The following LINGO2 variants were observed in gnomAD, a reference collection of about 807,000 sequenced individuals.
The protein encoded by LINGO2 is leucine-rich repeat and immunoglobulin-like domain-containing nogo receptor-interacting protein 2.
LINGO2 carries 14 observed loss-of-function variants against 30.6 expected under a neutral mutation model. That is an observed-to-expected ratio of 0.46 (90% CI 0.30 to 0.72). LINGO2 has a LOEUF of 0.72. LINGO2 is among the 30% of genes least tolerant of loss of function. LINGO2 has a pLI of 0.07. For missense variants in LINGO2, 729 were observed against 751.7 expected, an observed-to-expected ratio of 0.97 and a Z score of 0.35; for synonymous variants, 317 against 288.5, an observed-to-expected ratio of 1.10 and a Z score of -1.00.
At chr9:28,546,326 A>G (rs1287224705) in intron 1 of LINGO2, among the ~76,000 whole-genome samples, 1 of 152,106 alleles carries the variant, frequency 6.6e-6, no homozygotes, top group Non-Finnish European at 1.5e-5. Flanking sequence ...AATCAGTTCT[A>G]TGTGACATGG....
the LINGO2 span, among the ~76,000 whole-genome samples, chr9:29,085,752 T>C: frequency 6.6e-6 from 1 of 152,138 alleles, no homozygotes; most frequent in African/African-American, 2.4e-5. Context: ...CATTTAAGTT[T>C]ATGAGACAAA....
At chr9:28,760,792 C>T in the LINGO2 span, among the ~76,000 whole-genome samples, 1 of 151,850 alleles carries the variant, frequency 6.6e-6, no homozygotes, top group Non-Finnish European at 1.5e-5. Flanking sequence ...CTTAGAATAA[C>T]AGTCTCCAAT....
At chr9:27,996,258 A>C (rs960338515) in intron 5 of LINGO2, among the ~76,000 whole-genome samples, 1 of 152,200 alleles carries the variant, frequency 6.6e-6, no homozygotes, top group Admixed American at 6.6e-5. Context: ...AAATACAACT[A>C]TCTTATGATC....
the LINGO2 span, among the ~76,000 whole-genome samples, chr9:29,121,659 T>A: frequency 2.6e-5 from 4 of 152,070 alleles, no homozygotes; most frequent in East Asian, 7.7e-4. Flanking sequence ...ATCAAGACTC[T>A]CCAGACAGAA....
At chr9:28,041,243 G>C (rs887088413) in intron 4 of LINGO2, among the ~76,000 whole-genome samples, 4 of 152,166 alleles carry the variant, frequency 2.6e-5, no homozygotes, top group African/African-American at 9.7e-5. Context: ...GGTCAGCACA[G>C]GTTCATACAA....
intron 1 of LINGO2, among the ~76,000 whole-genome samples, chr9:28,494,826 T>TTAACTTTA (rs1819536739): frequency 6.6e-6 from 1 of 152,188 alleles, no homozygotes. Context: ...AACTTTACAG[T>TTAACTTTA]CCCACCAACA....
At chr9:27,976,188 G>A (rs1820584796) in intron 5 of LINGO2, among the ~76,000 whole-genome samples, 1 of 152,164 alleles carries the variant, frequency 6.6e-6, no homozygotes, top group South Asian at 2.1e-4. Context: ...TTAGAGCAGT[G>A]TCTGCCACTT....
At chr9:28,614,730 T>C (rs1375395524) in intron 1 of LINGO2, among the ~76,000 whole-genome samples, 1 of 152,148 alleles carries the variant, frequency 6.6e-6, no homozygotes, top group Non-Finnish European at 1.5e-5. Context: ...GATAGAAATA[T>C]GCAGGATGTA....
At chr9:27,960,498 C>T (rs927895592) in intron 5 of LINGO2, among the ~76,000 whole-genome samples, 10 of 152,104 alleles carry the variant, frequency 6.6e-5, no homozygotes, top group African/African-American at 2.4e-4. Flanking sequence ...CACAGTATAG[C>T]TTTCTGCTGT....
chr9:29,178,965 A>ATAATTAATTAAT, the LINGO2 span, among the ~76,000 whole-genome samples: 56 of 151,168 alleles, frequency 3.7e-4, no homozygotes, highest in African/African-American at 1.3e-3. Flanking sequence ...CATCTCTAAA[A>ATAATTAATTAAT]TAATTAATTA....
At chr9:28,246,373 G>A (rs1211643885) in intron 4 of LINGO2, among the ~76,000 whole-genome samples, 2 of 152,020 alleles carry the variant, frequency 1.3e-5, no homozygotes, top group South Asian at 4.2e-4. Flanking sequence ...TTTGCAGTGA[G>A]CCGAGATCTT....
chr9:28,643,829 A>T (rs768550274), intron 1 of LINGO2, among the ~76,000 whole-genome samples: 4 of 152,150 alleles, frequency 2.6e-5, no homozygotes, highest in Admixed American at 6.6e-5. Flanking sequence ...GAGGTCAAAC[A>T]ACTCTATAGA....
At chr9:28,716,659 A>G in the LINGO2 span, among the ~76,000 whole-genome samples, 3 of 152,104 alleles carry the variant, frequency 2.0e-5, no homozygotes, top group African/African-American at 7.2e-5. Context: ...TGTTCCATTT[A>G]TCTTTGCCAA....
At chr9:28,677,081 T>G in the LINGO2 span, among the ~76,000 whole-genome samples, 1 of 152,112 alleles carries the variant, frequency 6.6e-6, no homozygotes. Flanking sequence ...TACATTTATT[T>G]GCATGCCTAA....
intron 1 of LINGO2, among the ~76,000 whole-genome samples, chr9:28,545,302 C>A (rs962208178): frequency 6.6e-6 from 1 of 151,856 alleles, no homozygotes. Flanking sequence ...AGTCAGGAGA[C>A]CTAAATATGT....
At chr9:28,253,256 A>T (rs949509046) in intron 4 of LINGO2, among the ~76,000 whole-genome samples, 2 of 152,110 alleles carry the variant, frequency 1.3e-5, no homozygotes, top group Admixed American at 1.3e-4. Context: ...ACTGTAGGAT[A>T]TTGACAGGTG....
intron 2 of LINGO2, among the ~76,000 whole-genome samples, chr9:28,432,612 T>C (rs576060569): frequency 6.6e-6 from 1 of 152,104 alleles, no homozygotes; most frequent in Non-Finnish European, 1.5e-5. Flanking sequence ...GTTAATTTGA[T>C]TGCAGCTTCA....
chr9:28,350,358 T>C (rs181339193), intron 3 of LINGO2, among the ~76,000 whole-genome samples: 2,222 of 145,674 alleles, frequency 0.015, 60 homozygotes, highest in African/African-American at 0.053. Context: ...TCCTAGTCTC[T>C]GATAAAACAG....
intron 4 of LINGO2, among the ~76,000 whole-genome samples, chr9:28,038,299 AAAG>A (rs777665194): frequency 1.3e-5 from 2 of 152,186 alleles, no homozygotes; most frequent in Non-Finnish European, 2.9e-5. Context: ...TAATGAGAAA[AAAG>A]AAGAGGATGT....
Sources: gnomAD v4.1 joint callset for allele counts (sites outside exome capture counted in the v4.1 genomes callset) on GRCh38, gnomAD v4.1.1 for gene constraint, MANE v1.5 for transcripts, NCBI Gene and HGNC (gene_info 2026-07-23, HGNC 2026-07-21) for gene names.